The following FNBP1L variants were observed in gnomAD, a reference collection of about 807,000 sequenced individuals.
The protein encoded by FNBP1L is formin binding protein 1 like.
FNBP1L carries 36 observed loss-of-function variants against 91.2 expected under a neutral mutation model. The ratio of observed to expected loss-of-function variants is 0.39; its 90% CI spans 0.30 to 0.52. The LOEUF is 0.52. Among genes scored for constraint, FNBP1L ranks in the 20% least tolerant of loss-of-function variants. The pLI, the probability that FNBP1L is intolerant of heterozygous loss-of-function variation, is 0.66. For missense variants in FNBP1L, 571 were observed against 732.1 expected (o/e 0.78, Z 2.54); for synonymous variants, 242 against 237.0 (o/e 1.02, Z -0.19).
At chr1:93,548,390 T>A (rs533929592) in intron 14 of FNBP1L, among the ~76,000 whole-genome samples, 1 of 152,346 alleles carries the variant, frequency 6.6e-6, no homozygotes, top group Non-Finnish European at 1.5e-5. Flanking sequence ...TTTCTCTGAT[T>A]TAAAAAATTT....
At chr1:93,538,508 GA>G (rs1671918870) in intron 10 of FNBP1L, among the ~76,000 whole-genome samples, 1 of 152,038 alleles carries the variant, frequency 6.6e-6, no homozygotes, top group Admixed American at 6.6e-5. Flanking sequence ...GGGTTTAGAG[GA>G]CAGAGCAGGG....
chr1:93,468,980 T>A (rs1168249934), intron 1 of FNBP1L, among the ~76,000 whole-genome samples: 2 of 152,220 alleles, frequency 1.3e-5, no homozygotes, highest in African/African-American at 2.4e-5. Flanking sequence ...TTATTGTGGT[T>A]TTGATTTACA....
At chr1:93,516,533 G>C (rs1449356909) in intron 2 of FNBP1L, among the ~76,000 whole-genome samples, 1 of 152,050 alleles carries the variant, frequency 6.6e-6, no homozygotes, top group African/African-American at 2.4e-5. Flanking sequence ...ATGACATCCT[G>C]GGCTGGGCAC....
intron 1 of FNBP1L, among the ~76,000 whole-genome samples, chr1:93,455,860 C>T (rs1296255584): frequency 1.3e-5 from 2 of 152,206 alleles, no homozygotes; most frequent in South Asian, 2.1e-4. Context: ...TCGGCATTTT[C>T]CTTTTTTTCC....
intron 16 of FNBP1L, chr1:93,552,158 T>C (rs1672435361): frequency 8.2e-7 from 1 of 1,223,792 alleles, no homozygotes; most frequent in Non-Finnish European, 1.0e-6. Flanking sequence ...TTGGAAACAC[T>C]GTGCAGTCAA....
At chr1:93,459,940 GAT>G (rs1668804271) in intron 1 of FNBP1L, among the ~76,000 whole-genome samples, 1 of 54,900 alleles carries the variant, frequency 1.8e-5, no homozygotes, top group East Asian at 6.6e-4. Context: ...TTGGATTTCA[GAT>G]GTGTGTGTGT....
chr1:93,530,936 A>G, intron 7 of FNBP1L, 53 bp downstream of exon 7: 1 of 1,404,638 alleles, frequency 7.1e-7, no homozygotes, highest in Non-Finnish European at 9.6e-7. Context: ...GTGTTTAAAT[A>G]TAAAACTTGT....
At chr1:93,519,323 G>T (rs1671239454) in intron 2 of FNBP1L, among the ~76,000 whole-genome samples, 1 of 152,138 alleles carries the variant, frequency 6.6e-6, no homozygotes, top group Admixed American at 6.6e-5. Flanking sequence ...TAAATGCTCT[G>T]TTTTTCCCCA....
intron 1 of FNBP1L, among the ~76,000 whole-genome samples, chr1:93,480,514 C>A (rs952006087): frequency 1.3e-5 from 2 of 152,130 alleles, no homozygotes; most frequent in African/African-American, 4.8e-5. Context: ...GTGTGCTTCC[C>A]TTCAAGTGTC....
At chr1:93,497,670 A>T (rs983515751) in intron 1 of FNBP1L, among the ~76,000 whole-genome samples, 3 of 152,144 alleles carry the variant, frequency 2.0e-5, no homozygotes, top group African/African-American at 7.2e-5. Context: ...CCCAGACTGG[A>T]GTGCAGTGGC....
intron 10 of FNBP1L, 82 bp from the exon 11 acceptor site, chr1:93,540,960 A>G: frequency 8.1e-7 from 1 of 1,229,810 alleles, no homozygotes; most frequent in Middle Eastern, 2.0e-4. Flanking sequence ...ATTGTGAAAA[A>G]GAATAGGCTA....
At chr1:93,458,466 T>C (rs913530667) in intron 1 of FNBP1L, among the ~76,000 whole-genome samples, 8 of 152,164 alleles carry the variant, frequency 5.3e-5, no homozygotes, top group African/African-American at 1.2e-4. Flanking sequence ...TCACACCATA[T>C]ACAAAAATCA....
chr1:93,530,205 A>C (rs907972213), intron 6 of FNBP1L, among the ~76,000 whole-genome samples: 3 of 152,166 alleles, frequency 2.0e-5, no homozygotes, highest in Non-Finnish European at 4.4e-5. Context: ...AGCATTCCTT[A>C]AAGTATCTGT....
At chr1:93,449,470 C>A (rs1019008304) in intron 1 of FNBP1L, among the ~76,000 whole-genome samples, 15 of 152,116 alleles carry the variant, frequency 9.9e-5, no homozygotes, top group Non-Finnish European at 5.9e-5. Context: ...ATGTGTGTGC[C>A]CAGCTAGGGT....
At chr1:93,477,636 A>T (rs1272318162) in intron 1 of FNBP1L, among the ~76,000 whole-genome samples, 1 of 152,222 alleles carries the variant, frequency 6.6e-6, no homozygotes, top group Non-Finnish European at 1.5e-5. Flanking sequence ...AAAATGAAGA[A>T]TGCTCTAAAG....
intron 2 of FNBP1L, among the ~76,000 whole-genome samples, chr1:93,512,044 A>G (rs1222223758): frequency 1.3e-5 from 2 of 151,870 alleles, no homozygotes; most frequent in Non-Finnish European, 2.9e-5. Context: ...GTGCAGAGAC[A>G]CACATAGGCT....
At chr1:93,460,204 G>A (rs1440140624) in intron 1 of FNBP1L, among the ~76,000 whole-genome samples, 1 of 152,160 alleles carries the variant, frequency 6.6e-6, no homozygotes, top group Non-Finnish European at 1.5e-5. Flanking sequence ...CTGCCTTCAT[G>A]GATGGGATTA....
chr1:93,516,716 GA>G (rs955499800), intron 2 of FNBP1L, among the ~76,000 whole-genome samples: 209 of 145,322 alleles, frequency 1.4e-3, no homozygotes, highest in Middle Eastern at 3.5e-3. Flanking sequence ...TGAGGCAGGA[GA>G]AAAAAAAAAA....
intron 5 of FNBP1L, among the ~76,000 whole-genome samples, chr1:93,525,265 T>C (rs941101090): frequency 5.9e-5 from 9 of 152,208 alleles, no homozygotes; most frequent in African/African-American, 2.2e-4. Context: ...AAAAAGTACT[T>C]TGAGATTAAA....
Sources: gnomAD v4.1 joint callset for allele counts (sites outside exome capture counted in the v4.1 genomes callset) on GRCh38, gnomAD v4.1.1 for gene constraint, MANE v1.5 for transcripts, NCBI Gene and HGNC (gene_info 2026-07-23, HGNC 2026-07-21) for gene names.